The following ZNF480 variants were observed in gnomAD, a reference collection of about 807,000 sequenced individuals.
The protein encoded by ZNF480 is zinc finger protein 480.
ZNF480 carries 15 observed loss-of-function variants against 14.4 expected under a neutral mutation model. The ratio of observed to expected loss-of-function variants is 1.04; its 90% CI spans 0.70 to 1.60. The LOEUF is 1.60. Among genes scored for constraint, ZNF480 ranks in the 40% most tolerant of loss-of-function variants. The pLI is 0.00. For synonymous variants in ZNF480, 218 were observed against 215.5 expected, an observed-to-expected ratio of 1.01 and a Z score of -0.10; for missense variants, 593 against 629.7, an observed-to-expected ratio of 0.94 and a Z score of 0.62.
rs577129623 is a variant in ZNF480, at chr19:52,315,912, A to G, written c.278A>G (p.Lys93Arg). 6.2e-7 allele frequency: 1 copy of G among 1,612,936 alleles called. No individual in the cohort carries two copies. Among genetic ancestry groups the G allele is most frequent in the Admixed American group, 1.7e-5 (1 of 59,996 alleles). ...CCCTGGTCTGGTGAGAGTGAAGTGA[A>G]AATAGCAAAAAATTCAGATGGGAGG... ...REPWSGESEV[K>R]IAKNSDGREC... is the part of the protein sequence containing the mutation. The change falls in exon 4 of 5, where the codon AAA (lysine) becomes AGA (arginine). Residue 93 changes from lysine to arginine, a missense_variant. Coordinates refer to ENST00000595962, the MANE Select transcript of ZNF480 (RefSeq NM_144684.4).
intron 2 of ZNF480, among the ~76,000 whole-genome samples, chr19:52,302,423 T>C (rs1339731886): frequency 6.6e-6 from 1 of 152,230 alleles, no homozygotes; most frequent in East Asian, 1.9e-4. Flanking sequence ...TGGCTTGTCC[T>C]TGTGAATTAT....
At chr19:52,300,507 T>C in intron 2 of ZNF480, 23 bp downstream of exon 2, 1 of 1,608,008 alleles carries the variant, frequency 6.2e-7, no homozygotes, top group Non-Finnish European at 8.5e-7. Flanking sequence ...TCTCGGTGGA[T>C]TGTTCTGTCT....
chr19:52,323,621 G>A lies in ZNF480; in HGVS notation c.*763G>A, dbSNP rs770039080. ...CCAACATTATCAAGCAGGCTTTAGT[G>A]TTGGGCTGCAAGGTTGGTTCAGTAT... On this transcript the variant is annotated 3_prime_UTR_variant, in exon 5 of 5. Coordinates refer to ENST00000595962, the MANE Select transcript of ZNF480 (RefSeq NM_144684.4). 5.9e-5 allele frequency: 9 copies of A among 152,118 alleles called. No homozygotes were observed. The highest frequency in any genetic ancestry group is 1.2e-4 in the Non-Finnish European group (8 of 68,022). The allele number at this position is 152,118 out of a possible 1,614,324, so 9.4% of individuals were successfully genotyped here. A position where few individuals can be genotyped will look rare whatever the true frequency, so the allele number is the denominator to read the frequency against.
rs553336078 is a variant in ZNF480 at position 52,314,950 on chromosome 19, C to T, written c.199+671C>T. On this transcript the variant is annotated intron_variant, in intron 3 of 4. Coordinates refer to ENST00000595962, the MANE Select transcript of ZNF480 (RefSeq NM_144684.4). ...TATACATCATTGGGTGGTACCAGGGCGGAAGTATGCATAAAACCTTTTTTG... is the reference window on the plus strand; with the variant it reads ...TATACATCATTGGGTGGTACCAGGGTGGAAGTATGCATAAAACCTTTTTTG... Among the ~76,000 whole-genome samples the T allele has an allele frequency of 3.1e-4, 47 of 152,172 alleles. 1 individual carries two copies. In the South Asian group the frequency reaches 9.0e-3, roughly 29 times the overall value.
intron 4 of ZNF480, among the ~76,000 whole-genome samples, chr19:52,320,898 AG>A (rs1983778756): frequency 6.6e-6 from 1 of 152,172 alleles, no homozygotes; most frequent in South Asian, 2.1e-4. Context: ...AGATCGCTTG[AG>A]CTGGGGAAGT....
In ZNF480 at chr19:52,322,485, C is replaced by T; in HGVS notation, c.1235C>T (p.Ser412Leu). The T allele has an allele frequency of 1.2e-6, 2 of 1,614,004 alleles. No individual in the cohort carries two copies. Among genetic ancestry groups the T allele is most frequent in the Non-Finnish European group, 1.7e-6 (2 of 1,179,928 alleles). Residue 412 changes from serine to leucine, a missense_variant, in exon 5 of 5, where the codon TCA becomes TTA. Physicochemically the swap from Ser to Leu is moderately radical, Grantham distance 145 (BLOSUM62 -2). Coordinates refer to ENST00000595962, the MANE Select transcript of ZNF480 (RefSeq NM_144684.4). Reference sequence around the variant, plus strand: ...TGTGGAAAAGTATTTAATCAACTTTCAAATCTTGCACGACATCGAAGAATT... The same window carrying T: ...TGTGGAAAAGTATTTAATCAACTTTTAAATCTTGCACGACATCGAAGAATT... ...NECGKVFNQL[S>L]NLARHRRIHT...
chr19:52,316,319 CG>C (rs1206747455), intron 4 of ZNF480, among the ~76,000 whole-genome samples: 1 of 151,660 alleles, frequency 6.6e-6, no homozygotes, highest in East Asian at 1.9e-4. Context: ...CTCTGCCTCC[CG>C]GGTTCAAGGG....
In ZNF480 at chr19:52,321,747, G is replaced by T; in HGVS notation, c.497G>T (p.Cys166Phe). The T allele has an allele frequency of 1.2e-6, 2 of 1,613,930 alleles. No individual in the cohort carries two copies. Among genetic ancestry groups the T allele is most frequent in the Non-Finnish European group, 1.7e-6 (2 of 1,179,910 alleles). Residue 166 changes from cysteine to phenylalanine, a missense_variant, in exon 5 of 5, where the codon TGT becomes TTT. Transcript: ENST00000595962. Reference protein sequence around the residue: ...NFINHSSSVSCLQEMSSSVKT... With the variant: ...NFINHSSSVSFLQEMSSSVKT... ...ATCAACCACAGTTCCTCTGTTTCCTGTCTTCAAGAAATGTCTTCCAGTGTC... is the reference window on the plus strand; with the variant it reads ...ATCAACCACAGTTCCTCTGTTTCCTTTCTTCAAGAAATGTCTTCCAGTGTC...
chr19:52,320,747 C>T (rs562086911), intron 4 of ZNF480, among the ~76,000 whole-genome samples: 2 of 152,162 alleles, frequency 1.3e-5, no homozygotes, highest in South Asian at 2.1e-4. Flanking sequence ...GCTGAGATTG[C>T]ATCATTGTAC....
intron 4 of ZNF480, among the ~76,000 whole-genome samples, chr19:52,318,732 G>A (rs111731533): frequency 1.3e-5 from 2 of 152,028 alleles, no homozygotes; most frequent in Non-Finnish European, 2.9e-5. Context: ...TTGCTTGTGG[G>A]CATCCTTTTT....
In ZNF480 at chr19:52,322,025, T is replaced by C. The variant is rs772519606; in HGVS notation, c.775T>C (p.Tyr259His). The C allele has an allele frequency of 6.2e-7, 1 of 1,614,060 alleles. No individual in the cohort carries two copies. The highest frequency in any genetic ancestry group is 8.5e-7 in the Non-Finnish European group (1 of 1,179,982). ...TAGAATTCATACTGGAGAGAAACCT[T>C]ACAAATGTAATGTCTGTGGCAAGGT... ...HCRIHTGEKP[Y>H]KCNVCGKVFS... The change falls in exon 5 of 5, where the codon TAC becomes CAC. Residue 259 changes from tyrosine to histidine, a missense_variant. Coordinates refer to ENST00000595962, the MANE Select transcript of ZNF480 (RefSeq NM_144684.4).
chr19:52,313,134 CTTTTTT>C (rs33954410), intron 2 of ZNF480, among the ~76,000 whole-genome samples: 1 of 131,754 alleles, frequency 7.6e-6, no homozygotes. Context: ...AATTCTTTCT[CTTTTTT>C]TTTTTTTTTT....
At chr19:52,303,175 T>C (rs1982778014) in intron 2 of ZNF480, among the ~76,000 whole-genome samples, 2 of 152,226 alleles carry the variant, frequency 1.3e-5, no homozygotes, top group African/African-American at 4.8e-5. Flanking sequence ...GTATAGGGCG[T>C]GTGGAAGACT....
At chr19:52,298,493 C>T (rs1276994562) in intron 1 of ZNF480, among the ~76,000 whole-genome samples, 3 of 152,056 alleles carry the variant, frequency 2.0e-5, no homozygotes, top group East Asian at 1.9e-4. Flanking sequence ...ATTAGCCGGG[C>T]GTCAGCGCGC....
At chr19:52,301,923 A>C (rs571714836) in intron 2 of ZNF480, 2 of 158,314 alleles carry the variant, frequency 1.3e-5, no homozygotes, top group African/African-American at 4.8e-5. Flanking sequence ...CAAGAAAACA[A>C]TGTACATTCT....
intron 2 of ZNF480, among the ~76,000 whole-genome samples, chr19:52,302,771 G>A (rs917038531): frequency 6.6e-6 from 1 of 152,212 alleles, no homozygotes; most frequent in African/African-American, 2.4e-5. Flanking sequence ...GGCAAGTTGC[G>A]CATTGCTGGA....
intron 2 of ZNF480, among the ~76,000 whole-genome samples, chr19:52,312,078 C>T (rs565706556): frequency 2.6e-5 from 4 of 151,750 alleles, no homozygotes; most frequent in South Asian, 4.2e-4. Flanking sequence ...CGGAAATTGT[C>T]GTACACCATC....
intron 3 of ZNF480, among the ~76,000 whole-genome samples, chr19:52,314,495 A>C (rs1407971560): frequency 2.7e-5 from 4 of 150,786 alleles, no homozygotes; most frequent in East Asian, 3.9e-4. Context: ...AAAAAAAAAA[A>C]AAACCAAAAA....
chr19:52,298,849 A>G (rs141594934), intron 1 of ZNF480, among the ~76,000 whole-genome samples: 16 of 151,818 alleles, frequency 1.1e-4, no homozygotes, highest in African/African-American at 3.9e-4. Context: ...AGCTAGAGAA[A>G]GAAGGTGAGA....
Sources: gnomAD v4.1 joint callset for allele counts (sites outside exome capture counted in the v4.1 genomes callset) on GRCh38, gnomAD v4.1.1 for gene constraint, MANE v1.5 for transcripts, NCBI Gene and HGNC (gene_info 2026-07-23, HGNC 2026-07-21) for gene names.